PDE1C: variants seen among roughly 807,000 people sequenced by gnomAD.
PDE1C encodes the protein phosphodiesterase 1C.
A neutral mutation model predicts 93.1 loss-of-function variants in PDE1C; 62 were observed. The ratio of observed to expected loss-of-function variants is 0.67; its 90% CI spans 0.54 to 0.82. PDE1C has a LOEUF of 0.82. Among genes scored for constraint, PDE1C ranks in the 40% least tolerant of loss-of-function variants. The pLI, the probability that PDE1C is intolerant of heterozygous loss-of-function variation, is 0.00. For missense variants in PDE1C, 742 were observed against 884.6 expected (o/e 0.84, Z 2.04); for synonymous variants, 325 against 310.1 (o/e 1.05, Z -0.50).
chr7:32,338,929 G>C (rs1238471549), intron 1 of PDE1C, among the ~76,000 whole-genome samples: 3 of 151,730 alleles, frequency 2.0e-5, no homozygotes, highest in Non-Finnish European at 4.4e-5. Context: ...CATGAACCTG[G>C]GAGGTGGAGC....
intron 3 of PDE1C, among the ~76,000 whole-genome samples, chr7:32,163,872 C>T (rs1802063914): frequency 6.6e-6 from 1 of 152,112 alleles, no homozygotes; most frequent in African/African-American, 2.4e-5. Context: ...GAGGATCAGT[C>T]TTCTCCCAAA....
At chr7:32,331,952 A>T (rs1343409984) in intron 1 of PDE1C, among the ~76,000 whole-genome samples, 2 of 152,206 alleles carry the variant, frequency 1.3e-5, no homozygotes, top group Non-Finnish European at 2.9e-5. Flanking sequence ...GGTCTTTCCC[A>T]CATTGGGGCT....
chr7:31,665,091 T>G, the PDE1C span, among the ~76,000 whole-genome samples: 5 of 152,190 alleles, frequency 3.3e-5, no homozygotes, highest in Admixed American at 3.3e-4. Context: ...CCTCTCTCAC[T>G]ATGTTGCAAC....
intron 2 of PDE1C, among the ~76,000 whole-genome samples, chr7:32,204,718 A>C (rs1363169432): frequency 6.6e-6 from 1 of 152,062 alleles, no homozygotes; most frequent in African/African-American, 2.4e-5. Context: ...TTTTTTACCT[A>C]TTATCCCCAT....
At chr7:31,856,198 C>A (rs1288913459) in intron 7 of PDE1C, among the ~76,000 whole-genome samples, 1 of 152,164 alleles carries the variant, frequency 6.6e-6, no homozygotes, top group Non-Finnish European at 1.5e-5. Flanking sequence ...AAAGCGTTTT[C>A]TCCCTCTTGG....
At chr7:32,257,927 CA>C (rs752112115) in intron 1 of PDE1C, among the ~76,000 whole-genome samples, 7 of 152,250 alleles carry the variant, frequency 4.6e-5, no homozygotes, top group Non-Finnish European at 7.3e-5. Flanking sequence ...GACTGTCCTG[CA>C]GCCAAGGAAA....
chr7:31,821,718 C>G lies in PDE1C; in HGVS notation c.1582+1355G>C, dbSNP rs867493737. ...AGTGCCATAAATATAAACCCTTTGC[C>G]TCACCTGAAATGAGCAGCCACTTGA... On this transcript the variant is annotated intron_variant, in intron 14 of 17. Coordinates refer to ENST00000396191, the MANE Select transcript of PDE1C (RefSeq NM_001191057.4). Among the ~76,000 whole-genome samples, 122 of 152,072 alleles carry G rather than the reference C, an allele frequency of 8.0e-4. 1 individual carries two copies. Among genetic ancestry groups the G allele is most frequent in the African/African-American group, 2.8e-3 (114 of 41,422 alleles).
At chr7:31,639,597 C>T in the PDE1C span, among the ~76,000 whole-genome samples, 7 of 144,238 alleles carry the variant, frequency 4.9e-5, no homozygotes, top group South Asian at 1.1e-3. Context: ...AGTGCAGTGG[C>T]GCAATCTCAG....
intron 3 of PDE1C, among the ~76,000 whole-genome samples, chr7:32,088,912 A>G (rs1460609883): frequency 6.6e-6 from 1 of 152,148 alleles, no homozygotes; most frequent in Non-Finnish European, 1.5e-5. Context: ...AAGAGAGAAT[A>G]CCCTTCTTGC....
rs368323356 is a variant in PDE1C, at chr7:32,169,865, G to T, written c.228C>A (p.Asp76Glu). ...CTAGGATCTCCTCTGGGGGTCGAGG[G>T]TCATGGACAATTGTTGGCCTTGGCT... is the stretch of plus-strand genomic sequence containing the variant. Residue 76 changes from aspartate (D) to glutamate (E), a missense_variant, in exon 3 of 19, where the codon GAC (aspartate) becomes GAA (glutamate). Transcript: ENST00000396193. 18 of 1,612,442 alleles carry T rather than the reference G, an allele frequency of 1.1e-5. No individual in the cohort carries two copies. The African/African-American group carries it at 2.0e-4, about 18-fold the overall frequency.
At chr7:32,347,432 T>G (rs752783891) in intron 1 of PDE1C, among the ~76,000 whole-genome samples, 3 of 152,200 alleles carry the variant, frequency 2.0e-5, no homozygotes, top group Non-Finnish European at 2.9e-5. Context: ...GAATTCTCTG[T>G]GGATCCTGCC....
At chr7:31,737,800 C>CAAA in the PDE1C span, among the ~76,000 whole-genome samples, 326 of 93,108 alleles carry the variant, frequency 3.5e-3, 8 homozygotes, top group African/African-American at 0.011. Context: ...CACTCCATCT[C>CAAA]AAAAAAAAAA....
chr7:31,937,812 G>A (rs1443361619), intron 2 of PDE1C, among the ~76,000 whole-genome samples: 2 of 152,012 alleles, frequency 1.3e-5, no homozygotes, highest in African/African-American at 4.8e-5. Context: ...ATTTTATTCA[G>A]CATATTATGC....
At chr7:32,206,091 C>A (rs73106518) in intron 2 of PDE1C, among the ~76,000 whole-genome samples, 2 of 151,868 alleles carry the variant, frequency 1.3e-5, no homozygotes, top group African/African-American at 2.4e-5. Flanking sequence ...ACCTGCTCAA[C>A]GCGGCACAGA....
At chr7:32,047,038 TGTGTGTGTGTGTGTGCGAGACAGA>T (rs1173359872) in intron 2 of PDE1C, among the ~76,000 whole-genome samples, 5 of 128,280 alleles carry the variant, frequency 3.9e-5, no homozygotes, top group Non-Finnish European at 6.6e-5. Flanking sequence ...TAGGGGTGTG[TGTGTGTGTGTGTGTGCGAGACAGA>T]GTGTGTGTGT....
At chr7:32,010,256 A>G (rs1203838117) in intron 2 of PDE1C, among the ~76,000 whole-genome samples, 2 of 152,238 alleles carry the variant, frequency 1.3e-5, no homozygotes, top group Non-Finnish European at 2.9e-5. Flanking sequence ...TTATAAAGCT[A>G]AAGTAAAGAA....
intron 2 of PDE1C, among the ~76,000 whole-genome samples, chr7:31,995,268 G>C (rs926944163): frequency 6.6e-6 from 1 of 152,152 alleles, no homozygotes; most frequent in South Asian, 2.1e-4. Context: ...GGAAGGGAGA[G>C]AGCCACTGCA....
intron 1 of PDE1C, among the ~76,000 whole-genome samples, chr7:32,336,306 A>G (rs1417121062): frequency 6.6e-6 from 1 of 152,180 alleles, no homozygotes; most frequent in Non-Finnish European, 1.5e-5. Context: ...TATCCAACAA[A>G]CTATCATGCC....
At chr7:32,244,871 G>T (rs12539063) in intron 1 of PDE1C, among the ~76,000 whole-genome samples, 15,996 of 152,232 alleles carry the variant, frequency 0.11, 903 homozygotes, top group East Asian at 0.13. Context: ...ACCAGAGCCT[G>T]CCCAGCTGCC....
Sources: gnomAD v4.1 joint callset for allele counts (sites outside exome capture counted in the v4.1 genomes callset) on GRCh38, gnomAD v4.1.1 for gene constraint, MANE v1.5 for transcripts, NCBI Gene and HGNC (gene_info 2026-07-23, HGNC 2026-07-21) for gene names.